Variants in ZNF385D observed in about 807,000 individuals in gnomAD.
The protein encoded by ZNF385D is zinc finger protein 385D, also known as zinc finger protein 659.
A neutral mutation model predicts 35.8 loss-of-function variants in ZNF385D; 15 were observed. The observed-to-expected ratio is 0.42, with a 90% CI of 0.28 to 0.64. ZNF385D has a LOEUF of 0.64. Ranked by LOEUF, ZNF385D falls within the 30% of genes least tolerant of loss-of-function variation. The probability of loss-of-function intolerance (pLI) is 0.23; values close to 1 mark genes in which losing one functional copy is unlikely to be tolerated. For missense variants in ZNF385D, 474 were observed against 494.6 expected, an observed-to-expected ratio of 0.96 and a Z score of 0.39; for synonymous variants, 212 against 186.8, an observed-to-expected ratio of 1.13 and a Z score of -1.10.
At chr3:22,172,844 C>T (rs1412975382) in intron 2 of ZNF385D, among the ~76,000 whole-genome samples, 1 of 152,118 alleles carries the variant, frequency 6.6e-6, no homozygotes, top group Non-Finnish European at 1.5e-5. Context: ...AAATAGACAT[C>T]CTCCATTCAA....
intron 4 of ZNF385D, among the ~76,000 whole-genome samples, chr3:21,452,383 G>T (rs1702512007): frequency 6.6e-6 from 1 of 151,976 alleles, no homozygotes; most frequent in Non-Finnish European, 1.5e-5. Flanking sequence ...GTCCACTCTT[G>T]CTGCTGCTAT....
At chr3:22,128,190 TTAAGTA>T (rs1244997012) in intron 3 of ZNF385D, among the ~76,000 whole-genome samples, 3 of 152,210 alleles carry the variant, frequency 2.0e-5, no homozygotes, top group African/African-American at 4.8e-5. Flanking sequence ...CATCAGCACT[TTAAGTA>T]TATCATGCCA....
intron 4 of ZNF385D, among the ~76,000 whole-genome samples, chr3:21,477,031 T>C (rs1704293691): frequency 6.6e-6 from 1 of 152,120 alleles, no homozygotes; most frequent in Non-Finnish European, 1.5e-5. Flanking sequence ...CAGCCTACAA[T>C]ATTTAAGTCA....
intron 2 of ZNF385D, among the ~76,000 whole-genome samples, chr3:21,586,156 T>C (rs2063804655): frequency 6.6e-6 from 1 of 152,124 alleles, no homozygotes; most frequent in Admixed American, 6.6e-5. Context: ...TAGTGAATTA[T>C]ATTTGTGCCA....
At chr3:21,764,371 T>G (rs77429043) in intron 3 of ZNF385D, among the ~76,000 whole-genome samples, 155 of 152,276 alleles carry the variant, frequency 1.0e-3, no homozygotes, top group African/African-American at 3.4e-3. Flanking sequence ...GTAATGGGCC[T>G]CATAGTTATG....
intron 3 of ZNF385D, among the ~76,000 whole-genome samples, chr3:22,066,530 CCCTGTG>C (rs1699968727): frequency 3.0e-5 from 2 of 67,306 alleles, no homozygotes; most frequent in African/African-American, 6.3e-5. Flanking sequence ...TGAGATGGTT[CCCTGTG>C]TGTGTGTGTG....
At chr3:22,038,185 A>G (rs1559323634) in intron 3 of ZNF385D, among the ~76,000 whole-genome samples, 1 of 152,186 alleles carries the variant, frequency 6.6e-6, no homozygotes. Context: ...GTAGGAGATA[A>G]CAAGATGAAT....
rs1031413788 is a variant in ZNF385D, at chr3:21,624,241, C to A, written c.165+40645G>T. Among the ~76,000 whole-genome samples, 3 of 152,078 alleles carry A rather than the reference C, an allele frequency of 2.0e-5. No individual in the cohort carries two copies. In the South Asian group the frequency reaches 6.2e-4, roughly 32 times the overall value. ...TTTTGGAAATTACAGTTTGTTCTGC[C>A]CTTGGAGCTTCCCAGCTTGGCCACA... On this transcript the variant is annotated intron_variant, in intron 2 of 7. Transcript: ENST00000281523.
chr3:21,771,170 C>T (rs1486980252), intron 3 of ZNF385D, among the ~76,000 whole-genome samples: 1 of 151,580 alleles, frequency 6.6e-6, no homozygotes, highest in Non-Finnish European at 1.5e-5. Flanking sequence ...AGCACACCAA[C>T]ATGGCACATG....
At chr3:21,781,991 C>T (rs78565038) in intron 3 of ZNF385D, among the ~76,000 whole-genome samples, 6 of 152,118 alleles carry the variant, frequency 3.9e-5, no homozygotes, top group Admixed American at 6.6e-5. Context: ...CAGCACTTCA[C>T]TTTCATGGCT....
intron 3 of ZNF385D, among the ~76,000 whole-genome samples, chr3:21,997,866 C>CGTGTGTGTGTGTGTGTGTGTGT (rs1162271257): frequency 1.0e-5 from 1 of 97,808 alleles, no homozygotes; most frequent in South Asian, 3.8e-4. Flanking sequence ...GGCGCGCGCG[C>CGTGTGTGTGTGTGTGTGTGTGT]GCGCGCGTGT....
intron 3 of ZNF385D, among the ~76,000 whole-genome samples, chr3:21,931,105 A>C (rs1012829771): frequency 1.3e-5 from 2 of 152,296 alleles, no homozygotes; most frequent in African/African-American, 4.8e-5. Context: ...TTTTCAATCC[A>C]ATAATAAAAA....
At chr3:22,228,685 A>G (rs1698708608) in intron 2 of ZNF385D, among the ~76,000 whole-genome samples, 1 of 152,146 alleles carries the variant, frequency 6.6e-6, no homozygotes, top group Non-Finnish European at 1.5e-5. Context: ...GGTGTTGTCA[A>G]AGGAGATTAA....
intron 2 of ZNF385D, among the ~76,000 whole-genome samples, chr3:22,314,709 T>C (rs1450330150): frequency 6.6e-6 from 1 of 152,106 alleles, no homozygotes; most frequent in Non-Finnish European, 1.5e-5. Context: ...AGTGATATCA[T>C]CCCCATTGAG....
At chr3:21,641,025 A>G (rs1182725957) in intron 2 of ZNF385D, among the ~76,000 whole-genome samples, 2 of 152,078 alleles carry the variant, frequency 1.3e-5, no homozygotes, top group African/African-American at 4.8e-5. Context: ...ACCAAATCAG[A>G]ACACATATTC....
At chr3:22,115,546 C>T (rs1330055112) in intron 3 of ZNF385D, among the ~76,000 whole-genome samples, 1 of 151,992 alleles carries the variant, frequency 6.6e-6, no homozygotes, top group East Asian at 1.9e-4. Context: ...AGACAAAATG[C>T]TGTATGGCAG....
intron 3 of ZNF385D, among the ~76,000 whole-genome samples, chr3:21,910,679 A>G (rs1404792533): frequency 1.3e-5 from 2 of 151,790 alleles, no homozygotes. Flanking sequence ...ATAGGTCAAA[A>G]TATGAACGTA....
intron 3 of ZNF385D, among the ~76,000 whole-genome samples, chr3:21,922,242 T>C (rs1457701135): frequency 6.6e-6 from 1 of 151,914 alleles, no homozygotes; most frequent in East Asian, 1.9e-4. Context: ...CTGCTATTCC[T>C]ATCAAGCTAC....
At chr3:21,833,924 A>G (rs1004326355) in intron 3 of ZNF385D, among the ~76,000 whole-genome samples, 25 of 152,204 alleles carry the variant, frequency 1.6e-4, no homozygotes. Context: ...TAGTATAGCC[A>G]TTTTTGAAAT....
Sources: gnomAD v4.1 joint callset for allele counts (sites outside exome capture counted in the v4.1 genomes callset) on GRCh38, gnomAD v4.1.1 for gene constraint, MANE v1.5 for transcripts, NCBI Gene and HGNC (gene_info 2026-07-23, HGNC 2026-07-21) for gene names.